The following CNTNAP2 variants were observed in gnomAD, a reference collection of about 807,000 sequenced individuals.
The protein encoded by CNTNAP2 is contactin-associated protein-like 2.
In CNTNAP2, 98 loss-of-function variants were observed where a neutral mutation model predicts 155.2. The observed-to-expected ratio is 0.63, with a 90% CI of 0.54 to 0.75. The LOEUF (loss-of-function observed/expected upper bound fraction) is 0.75, where lower values mean the gene tolerates loss of function less well. Ranked by LOEUF, CNTNAP2 falls within the 30% of genes least tolerant of loss-of-function variation. The probability of loss-of-function intolerance (pLI) is 0.00; values close to 1 mark genes in which losing one functional copy is unlikely to be tolerated. For synonymous variants in CNTNAP2, 651 were observed against 631.2 expected, an observed-to-expected ratio of 1.03 and a Z score of -0.47; for missense variants, 1,727 against 1,688.1, an observed-to-expected ratio of 1.02 and a Z score of -0.40.
intron 9 of CNTNAP2, among the ~76,000 whole-genome samples, chr7:147,368,018 C>A (rs1395387937): frequency 2.2e-4 from 23 of 106,098 alleles, no homozygotes; most frequent in Non-Finnish European, 3.9e-4. Context: ...CTCTCTCCCC[C>A]CCCTCCCCCT....
At chr7:147,597,543 A>C (rs1468874872) in intron 12 of CNTNAP2, among the ~76,000 whole-genome samples, 1 of 152,128 alleles carries the variant, frequency 6.6e-6, no homozygotes, top group Non-Finnish European at 1.5e-5. Context: ...GGTCAAGTCC[A>C]TGTCTGTTTT....
intron 1 of CNTNAP2, among the ~76,000 whole-genome samples, chr7:146,373,429 C>T (rs753547400): frequency 6.6e-6 from 1 of 151,778 alleles, no homozygotes; most frequent in South Asian, 2.1e-4. Context: ...CACACACACA[C>T]ACACTTAGGC....
intron 21 of CNTNAP2, among the ~76,000 whole-genome samples, chr7:148,327,573 T>C (rs960926317): frequency 7.2e-5 from 11 of 152,112 alleles, no homozygotes. Flanking sequence ...CTCATGTAAA[T>C]AGTGACAAAG....
chr7:148,010,707 T>G (rs1050640440), intron 15 of CNTNAP2, among the ~76,000 whole-genome samples: 2 of 151,854 alleles, frequency 1.3e-5, no homozygotes, highest in South Asian at 2.1e-4. Flanking sequence ...CAATTTAGGT[T>G]CACAGCAAAA....
chr7:148,264,170 G>C (rs1193299087), intron 20 of CNTNAP2, among the ~76,000 whole-genome samples: 1 of 152,260 alleles, frequency 6.6e-6, no homozygotes, highest in East Asian at 1.9e-4. Context: ...TCCATAGAAC[G>C]AAATACTAGT....
At chr7:148,167,923 T>C (rs888896423) in intron 17 of CNTNAP2, among the ~76,000 whole-genome samples, 1 of 152,230 alleles carries the variant, frequency 6.6e-6, no homozygotes, top group Non-Finnish European at 1.5e-5. Context: ...TATATATAAA[T>C]AATTAAGTAT....
In CNTNAP2 at chr7:146,174,201, C is replaced by CA. The variant is rs922201424; in HGVS notation, c.97+57239dup. Among the ~76,000 whole-genome samples, 547 of 124,554 alleles carry CA rather than the reference C, an allele frequency of 4.4e-3. 4 individuals carry two copies. The highest frequency in any genetic ancestry group is 0.035 in the East Asian group (150 of 4,294). The allele number at this position is 124,554 out of a possible 152,430, so 81.7% of individuals were successfully genotyped here. Reference sequence around the variant, plus strand: ...TGGGTGACAGACTAAGATGCTGTCTCAAAAAAAAAAAGGAAAGAAAAAAAA... The same window carrying CA: ...TGGGTGACAGACTAAGATGCTGTCTCAAAAAAAAAAAAGGAAAGAAAAAAAA... On this transcript the variant is annotated intron_variant, in intron 1 of 23. Coordinates refer to ENST00000361727, the MANE Select transcript of CNTNAP2 (RefSeq NM_014141.6).
At position 148,409,923 on chromosome 7, in the gene CNTNAP2, C is replaced by T. The variant is rs566262164; in HGVS notation, c.3796+452C>T. 2.2e-5 allele frequency among the ~76,000 whole-genome samples: 2 copies of T among 91,774 alleles called. 1 individual carries two copies. The highest frequency in any genetic ancestry group is 9.8e-5 in the African/African-American group (2 of 20,418). 60.2% of individuals were successfully genotyped at this position (91,774 alleles called of 152,430 possible). On this transcript the variant is annotated intron_variant, in intron 23 of 23. Coordinates refer to ENST00000361727, the MANE Select transcript of CNTNAP2 (RefSeq NM_014141.6). ...AAAATTAGCCGGGCGCAGTGGCGGG[C>T]GCCTGTAGTCCCAGCTACTCAGGAG...
At chr7:147,886,881 C>A in intron 13 of CNTNAP2, among the ~76,000 whole-genome samples, 1 of 152,160 alleles carries the variant, frequency 6.6e-6, no homozygotes, top group East Asian at 1.9e-4. Flanking sequence ...AATCGTGAAA[C>A]CAAGCATTTA....
At chr7:148,194,675 A>G (rs552539538) in intron 18 of CNTNAP2, among the ~76,000 whole-genome samples, 1 of 152,168 alleles carries the variant, frequency 6.6e-6, no homozygotes, top group East Asian at 1.9e-4. Flanking sequence ...CCTCCAGTCC[A>G]AGACGAGAGG....
chr7:146,728,613 A>C (rs1167610676), intron 1 of CNTNAP2, among the ~76,000 whole-genome samples: 2 of 93,572 alleles, frequency 2.1e-5, no homozygotes, highest in Non-Finnish European at 3.9e-5. Flanking sequence ...TTAGGCTGCA[A>C]AAAAAAAAAA....
At chr7:147,610,887 C>T (rs1347066189) in intron 12 of CNTNAP2, among the ~76,000 whole-genome samples, 2 of 151,946 alleles carry the variant, frequency 1.3e-5, no homozygotes, top group East Asian at 1.9e-4. Context: ...CACAGGTGCA[C>T]GTCATCATGC....
chr7:146,618,412 C>T (rs527654272), intron 1 of CNTNAP2, among the ~76,000 whole-genome samples: 56 of 152,154 alleles, frequency 3.7e-4, no homozygotes, highest in African/African-American at 1.3e-3. Flanking sequence ...GATTACAATA[C>T]GTTTTATTTT....
At chr7:148,282,167 T>C (rs1011901806) in intron 21 of CNTNAP2, among the ~76,000 whole-genome samples, 1 of 152,324 alleles carries the variant, frequency 6.6e-6, no homozygotes, top group Admixed American at 6.5e-5. Flanking sequence ...ATCAGAATAA[T>C]CTTTGCTTAT....
intron 8 of CNTNAP2, among the ~76,000 whole-genome samples, chr7:147,175,701 C>T (rs1802325770): frequency 6.6e-6 from 1 of 152,148 alleles, no homozygotes; most frequent in Admixed American, 6.5e-5. Flanking sequence ...TACCTCTTAA[C>T]TCCCCATGAC....
At chr7:146,932,315 A>G (rs1796780961) in intron 3 of CNTNAP2, among the ~76,000 whole-genome samples, 1 of 151,600 alleles carries the variant, frequency 6.6e-6, no homozygotes, top group South Asian at 2.1e-4. Context: ...CCAGCATATA[A>G]ACAGAACCAA....
intron 17 of CNTNAP2, among the ~76,000 whole-genome samples, chr7:148,154,520 G>A (rs1156349619): frequency 6.6e-6 from 1 of 152,172 alleles, no homozygotes; most frequent in Admixed American, 6.5e-5. Context: ...ATCATTGAGA[G>A]ACCAAAGAGA....
At chr7:146,248,972 T>G (rs924164030) in intron 1 of CNTNAP2, among the ~76,000 whole-genome samples, 2 of 151,534 alleles carry the variant, frequency 1.3e-5, no homozygotes, top group African/African-American at 4.9e-5. Flanking sequence ...TAAAGGAAAA[T>G]TACAGTCAAA....
At chr7:146,178,339 A>G (rs1798501435) in intron 1 of CNTNAP2, among the ~76,000 whole-genome samples, 1 of 152,144 alleles carries the variant, frequency 6.6e-6, no homozygotes, top group Admixed American at 6.6e-5. Flanking sequence ...GGCCTGGAAC[A>G]TATTCTTTAT....
Sources: gnomAD v4.1 joint callset for allele counts (sites outside exome capture counted in the v4.1 genomes callset) on GRCh38, gnomAD v4.1.1 for gene constraint, MANE v1.5 for transcripts, NCBI Gene and HGNC (gene_info 2026-07-23, HGNC 2026-07-21) for gene names.